Variants in COL9A1 observed in about 807,000 individuals in gnomAD.
COL9A1 encodes the protein collagen type IX alpha 1 chain, also known as collagen alpha-1(IX) chain.
A neutral mutation model predicts 142.6 loss-of-function variants in COL9A1; 104 were observed. That is an observed-to-expected ratio of 0.73 (90% confidence interval 0.62 to 0.86). The LOEUF is 0.86. Among genes scored for constraint, COL9A1 ranks in the 40% least tolerant of loss-of-function variants. The pLI, the probability that COL9A1 is intolerant of heterozygous loss-of-function variation, is 0.00. For missense variants in COL9A1, 1,210 were observed against 1,176.6 expected, an observed-to-expected ratio of 1.03 and a Z score of -0.42; for synonymous variants, 466 against 396.0, an observed-to-expected ratio of 1.18 and a Z score of -2.10.
Position 70,216,786 on chromosome 6 carries a change from T to C in COL9A1, c.*111A>G. ...CTGTAATCATACTGAAGGTAATACA[T>C]TGTAATCATGCTGAAGGTAATCATC... On this transcript the variant is annotated 3_prime_UTR_variant, in exon 38 of 38. Transcript: ENST00000357250. 1.8e-6 allele frequency: 2 copies of C among 1,094,552 alleles called. No individual in the cohort carries two copies. Among genetic ancestry groups the C allele is most frequent in the South Asian group, 1.3e-5 (1 of 75,282 alleles). The allele number at this position is 1,094,552 out of a possible 1,614,324, so 67.8% of individuals were successfully genotyped here.
At chr6:70,247,100 T>A (rs1378599057) in intron 28 of COL9A1, among the ~76,000 whole-genome samples, 1 of 152,222 alleles carries the variant, frequency 6.6e-6, no homozygotes, top group Non-Finnish European at 1.5e-5. Flanking sequence ...TTTAATTAAA[T>A]GTTGTTTGCC....
In COL9A1 at chr6:70,300,174, C is replaced by T. The variant is rs1324002690; in HGVS notation, c.168G>A (p.Gly56=). 5 of 1,613,600 alleles carry T rather than the reference C, an allele frequency of 3.1e-6. No homozygotes were observed. The Admixed American group carries it at 8.3e-5, about 27-fold the overall frequency. Residue 56 remains glycine, a splice_region_variant and synonymous_variant, in exon 4 of 38, where the codon GGG becomes GGA. Coordinates refer to ENST00000357250, the MANE Select transcript of COL9A1 (RefSeq NM_001851.6). Reference sequence around the variant, plus strand: ...CCTGGAACTGAGAGATCAGATCAAACCCTATAGAATGGGAATACAAAATGA... The same window carrying T: ...CCTGGAACTGAGAGATCAGATCAAATCCTATAGAATGGGAATACAAAATGA... The part of the protein sequence containing the change: ...KIRIGQDDLP[G]FDLISQFQVD...
intron 32 of COL9A1, among the ~76,000 whole-genome samples, chr6:70,240,428 A>C (rs1203439246): frequency 1.3e-5 from 2 of 152,044 alleles, no homozygotes; most frequent in African/African-American, 4.8e-5. Context: ...TATTCTCCAA[A>C]AGTTTAAAGC....
chr6:70,266,847 T>C (rs1031545418), intron 17 of COL9A1, 77 bp from the exon 18 acceptor site: 11 of 1,191,360 alleles, frequency 9.2e-6, no homozygotes, highest in Non-Finnish European at 1.4e-5. Context: ...TGATCCTGCT[T>C]CCCTAAATCA....
intron 7 of COL9A1, 120 bp downstream of exon 7, chr6:70,282,778 G>T: frequency 6.8e-7 from 1 of 1,460,130 alleles, no homozygotes; most frequent in Non-Finnish European, 9.4e-7. Flanking sequence ...GCTGGAGGAA[G>T]CGCGGGTCTG....
chr6:70,291,245 C>A (rs938289075), intron 5 of COL9A1, among the ~76,000 whole-genome samples: 10 of 152,114 alleles, frequency 6.6e-5, no homozygotes, highest in African/African-American at 2.4e-4. Context: ...GGAACACTAA[C>A]AAAGCTTGAA....
chr6:70,249,759 A>G (rs1014416407), intron 28 of COL9A1, among the ~76,000 whole-genome samples: 3 of 151,622 alleles, frequency 2.0e-5, no homozygotes, highest in Admixed American at 2.0e-4. Flanking sequence ...GCCTCTCCTC[A>G]CATAAGAGAA....
chr6:70,300,171 A>G lies in COL9A1; in HGVS notation c.171T>C (p.Phe57=). The part of the protein sequence containing the change: ...IRIGQDDLPG[F]DLISQFQVDK... ...CTACCTGGAACTGAGAGATCAGATC[A>G]AACCCTATAGAATGGGAATACAAAA... The change falls in exon 4 of 38, where the codon TTT becomes TTC. Residue 57 remains phenylalanine, a synonymous_variant. Coordinates refer to ENST00000357250, the MANE Select transcript of COL9A1 (RefSeq NM_001851.6). 1 of 1,613,968 alleles carries G rather than the reference A, an allele frequency of 6.2e-7. No homozygotes were observed. Among genetic ancestry groups the G allele is most frequent in the Non-Finnish European group, 8.5e-7 (1 of 1,179,926 alleles).
intron 5 of COL9A1, among the ~76,000 whole-genome samples, chr6:70,287,782 T>C (rs1773513203): frequency 6.6e-6 from 1 of 152,150 alleles, no homozygotes; most frequent in Admixed American, 6.6e-5. Flanking sequence ...TCTTATTCTA[T>C]CCTTTTTGAA....
intron 28 of COL9A1, among the ~76,000 whole-genome samples, chr6:70,249,239 G>A (rs1770784802): frequency 6.6e-6 from 1 of 151,386 alleles, no homozygotes; most frequent in East Asian, 1.9e-4. Context: ...CCAATACAGT[G>A]GTGTGTGCAG....
At chr6:70,252,523 T>C (rs1290848976) in intron 26 of COL9A1, among the ~76,000 whole-genome samples, 2 of 152,194 alleles carry the variant, frequency 1.3e-5, no homozygotes. Context: ...CTGGGAAATA[T>C]ATTAAAGGTC....
intron 36 of COL9A1, among the ~76,000 whole-genome samples, chr6:70,227,424 TAAAAAAA>T (rs11407353): frequency 2.0e-5 from 1 of 50,032 alleles, no homozygotes; most frequent in Admixed American, 2.3e-4. Context: ...ATGCAAATTG[TAAAAAAA>T]AAAAAAAAAA....
intron 18 of COL9A1, among the ~76,000 whole-genome samples, chr6:70,265,313 AAAG>A (rs1423347126): frequency 6.6e-6 from 1 of 152,070 alleles, no homozygotes; most frequent in Non-Finnish European, 1.5e-5. Flanking sequence ...AGCATCATCA[AAAG>A]AAGGAGAAAG....
chr6:70,294,255 G>C lies in COL9A1; in HGVS notation c.608C>G (p.Ser203Cys). The change falls in exon 5 of 38, where the codon TCT (serine) becomes TGT (cysteine). Residue 203 changes from serine (S) to cysteine (C), a missense_variant. Transcript: ENST00000357250. ...TLFVDCNRIE[S>C]LPIKPRGPID... ...TGGGCCTCTTGGCTTTATAGGTAAA[G>C]ATTCAATCCTGTTGCAGTCAACAAA... The C allele has an allele frequency of 6.2e-7, 1 of 1,614,068 alleles. No homozygotes were observed. Among genetic ancestry groups the C allele is most frequent in the East Asian group, 2.2e-5 (1 of 44,876 alleles).
At chr6:70,269,741 T>C (rs1392198842) in intron 15 of COL9A1, 76 bp from the exon 16 acceptor site, 10 of 899,756 alleles carry the variant, frequency 1.1e-5, no homozygotes, top group Non-Finnish European at 1.8e-5. Flanking sequence ...AGAAAGCTCA[T>C]CAGGCAAAAG....
chr6:70,255,056 G>C (rs773213093), intron 23 of COL9A1, 40 bp from the exon 24 acceptor site: 1 of 1,613,164 alleles, frequency 6.2e-7, no homozygotes. Flanking sequence ...CTTACACACA[G>C]TCACATTCTT....
intron 36 of COL9A1, 51 bp downstream of exon 36, chr6:70,232,532 A>G (rs1352825015): frequency 6.4e-7 from 1 of 1,570,294 alleles, no homozygotes; most frequent in Admixed American, 1.7e-5. Flanking sequence ...TACAGATTAT[A>G]CATCTGAAAA....
Position 70,260,727 on chromosome 6 carries a change from G to C in COL9A1, c.1396-17C>G, listed in dbSNP as rs1482410609. ...CTGGGCTCCCTGGAAATGTGAAAAA[G>C]AGAAGTGAATTATTTTAGTTGAAGC... On this transcript the variant is annotated splice_polypyrimidine_tract_variant and intron_variant, in intron 19 of 37. Coordinates refer to ENST00000357250, the MANE Select transcript of COL9A1 (RefSeq NM_001851.6). 1 of 1,613,214 alleles carries C rather than the reference G, an allele frequency of 6.2e-7. No homozygotes were observed. Among genetic ancestry groups the C allele is most frequent in the Admixed American group, 1.7e-5 (1 of 59,972 alleles).
chr6:70,274,172 ACC>A, intron 11 of COL9A1, 90 bp from the exon 12 acceptor site: 3 of 1,018,602 alleles, frequency 2.9e-6, no homozygotes, highest in Non-Finnish European at 4.4e-6. Context: ...GCATTAAAAC[ACC>A]CCATTATGGT....
Sources: allele counts gnomAD v4.1 joint callset (sites outside exome capture counted in the v4.1 genomes callset), GRCh38; gene constraint gnomAD v4.1.1; transcripts MANE v1.5; gene names NCBI Gene and HGNC (gene_info 2026-07-23, HGNC 2026-07-21).